The following DENND2B variants were observed in gnomAD, a reference collection of about 807,000 sequenced individuals.
The protein encoded by DENND2B is DENN domain containing 2B.
Under a neutral mutation model 116.0 loss-of-function variants are expected in DENND2B, and 32 were observed. The ratio of observed to expected loss-of-function variants is 0.28; its 90% CI spans 0.21 to 0.37. DENND2B has a LOEUF of 0.37. Ranked by LOEUF, DENND2B falls within the 10% of genes least tolerant of loss-of-function variation. DENND2B has a pLI of 1.00. For synonymous variants in DENND2B, 588 were observed against 583.9 expected (o/e 1.01, Z -0.10); for missense variants, 1,276 against 1,477.7 (o/e 0.86, Z 2.24).
chr11:8,700,447 C>T (rs913224545), intron 14 of DENND2B, among the ~76,000 whole-genome samples: 2 of 152,286 alleles, frequency 1.3e-5, no homozygotes, highest in African/African-American at 4.8e-5. Context: ...TTTCTTCCTC[C>T]TTTCTTCTCC....
chr11:8,842,568 T>G (rs547578877), intron 3 of DENND2B, among the ~76,000 whole-genome samples: 2 of 152,280 alleles, frequency 1.3e-5, no homozygotes, highest in East Asian at 3.9e-4. Flanking sequence ...ATGGTTTCCT[T>G]TTGGAGTGCA....
chr11:8,694,685 G>GA lies in DENND2B; in HGVS notation c.3380-556dup, dbSNP rs1322186475. On this transcript the variant is annotated intron_variant, in intron 19 of 19. Coordinates refer to ENST00000313726, the MANE Select transcript of DENND2B (RefSeq NM_213618.2). Reference sequence around the variant, plus strand: ...AACTGGAGATCAAGAATATTTGGGGGAAAAAATGGATGGTGGTGTCTGTAC... The same window carrying GA: ...AACTGGAGATCAAGAATATTTGGGGGAAAAAAATGGATGGTGGTGTCTGTAC... The GA allele has an allele frequency of 1.1e-4, 48 of 449,402 alleles. 1 individual carries two copies. In the Middle Eastern group the frequency reaches 6.2e-3, roughly 58 times the overall value. The allele number at this position is 449,402 out of a possible 1,614,324, so 27.8% of individuals were successfully genotyped here. A position where few individuals can be genotyped will look rare whatever the true frequency, so the allele number is the denominator to read the frequency against.
intron 1 of DENND2B, chr11:8,909,724 C>G (rs147941833): frequency 6.6e-6 from 1 of 152,128 alleles, no homozygotes; most frequent in Non-Finnish European, 1.5e-5. Context: ...AGAAGGAGGT[C>G]GTATTGGTCG....
intron 4 of DENND2B, chr11:8,718,206 C>A: frequency 1.2e-6 from 1 of 810,674 alleles, no homozygotes; most frequent in East Asian, 2.7e-5. Flanking sequence ...CTGTGCCCAG[C>A]CAGAGGACAA....
At chr11:8,735,531 C>T (rs920735422) in intron 2 of DENND2B, among the ~76,000 whole-genome samples, 2 of 152,272 alleles carry the variant, frequency 1.3e-5, no homozygotes, top group East Asian at 1.9e-4. Context: ...GCCACGCCTG[C>T]GTATCATTGG....
intron 3 of DENND2B, among the ~76,000 whole-genome samples, chr11:8,844,252 T>C (rs1003995712): frequency 6.6e-6 from 1 of 151,688 alleles, no homozygotes. Context: ...AATCGAAAAG[T>C]TAGCCAAGTG....
chr11:8,872,950 G>A (rs941159787), upstream of DENND2B, among the ~76,000 whole-genome samples: 1 of 152,142 alleles, frequency 6.6e-6, no homozygotes, highest in African/African-American at 2.4e-5. Flanking sequence ...GGAGACCTGG[G>A]CCATATTTGG....
chr11:8,887,533 T>A (rs1441440466), intron 1 of DENND2B, among the ~76,000 whole-genome samples: 1 of 152,232 alleles, frequency 6.6e-6, no homozygotes, highest in African/African-American at 2.4e-5. Context: ...ACTGATAATA[T>A]CTACTGTCAA....
chr11:8,900,291 G>T (rs1225731004), intron 1 of DENND2B, among the ~76,000 whole-genome samples: 1 of 151,856 alleles, frequency 6.6e-6, no homozygotes, highest in Admixed American at 6.6e-5. Context: ...AAATTAGCTG[G>T]GTGTGGTGGT....
At chr11:8,836,183 T>C (rs369941133) in intron 4 of DENND2B, among the ~76,000 whole-genome samples, 1 of 28,736 alleles carries the variant, frequency 3.5e-5, no homozygotes, top group Non-Finnish European at 1.0e-4. Flanking sequence ...CCGTCTCTAC[T>C]AAAAATACAA....
Position 8,730,597 on chromosome 11 carries a change from G to T in DENND2B, c.693C>A (p.Thr231=). 1 of 1,613,150 alleles carries T rather than the reference G, an allele frequency of 6.2e-7. No individual in the cohort carries two copies. Among genetic ancestry groups the T allele is most frequent in the Non-Finnish European group, 8.5e-7 (1 of 1,180,032 alleles). ...DFKGLRRMSR[T]FSECSYPETE... is the part of the protein sequence containing the mutation. ...TCTCTGGGTAGGAACACTCGGAGAAGGTCCTGCTCATCCTCCGGAGGCCCT... is the reference window on the plus strand; with the variant it reads ...TCTCTGGGTAGGAACACTCGGAGAATGTCCTGCTCATCCTCCGGAGGCCCT... Residue 231 remains threonine, a synonymous_variant, in exon 3 of 20, where the codon ACC becomes ACA. Transcript: ENST00000313726. The surrounding 1 kb of genome is among the most constrained non-coding windows in gnomAD (Gnocchi z 4.1).
chr11:8,772,756 A>G (rs2057112670), intron 1 of DENND2B, among the ~76,000 whole-genome samples: 1 of 152,106 alleles, frequency 6.6e-6, no homozygotes, highest in Admixed American at 6.5e-5. Flanking sequence ...AACCTTACAC[A>G]CTGAAGCCTC....
At chr11:8,850,587 G>C (rs1041506747) in intron 3 of DENND2B, among the ~76,000 whole-genome samples, 1 of 151,836 alleles carries the variant, frequency 6.6e-6, no homozygotes, top group East Asian at 1.9e-4. Context: ...AATATAAAGT[G>C]GTACAGCCAT....
At chr11:8,731,268 C>T (rs1249422088) in intron 2 of DENND2B, 59 bp from the exon 3 acceptor site, 45 of 1,393,470 alleles carry the variant, frequency 3.2e-5, no homozygotes, top group Non-Finnish European at 4.1e-5. Flanking sequence ...GGCTGACCAA[C>T]CAGTGGCATC....
At position 8,726,042 on chromosome 11, in the gene DENND2B, T is replaced by C. The variant is rs376784670; in HGVS notation, c.1477+31A>G. 6.8e-5 allele frequency: 110 copies of C among 1,613,304 alleles called. No individual in the cohort carries two copies. In the African/African-American group the frequency reaches 1.2e-3, roughly 18 times the overall value. Reference sequence around the variant, plus strand: ...CCTGTTCTTCTGCAGCCCCCTGAGATGACCCAGGTGCCACCTCTGCCATTG... The same window carrying C: ...CCTGTTCTTCTGCAGCCCCCTGAGACGACCCAGGTGCCACCTCTGCCATTG... On this transcript the variant is annotated intron_variant, in intron 4 of 19. Coordinates refer to ENST00000313726, the MANE Select transcript of DENND2B (RefSeq NM_213618.2).
intron 2 of DENND2B, among the ~76,000 whole-genome samples, chr11:8,745,079 G>T (rs1273944322): frequency 6.6e-6 from 1 of 152,012 alleles, no homozygotes; most frequent in Admixed American, 6.6e-5. Context: ...ACCACACCCA[G>T]CCAACTTTTT....
chr11:8,730,341 T>G lies in DENND2B; in HGVS notation c.949A>C (p.Thr317Pro), dbSNP rs968364105. 6.2e-7 allele frequency: 1 copy of G among 1,600,736 alleles called. No homozygotes were observed. Among genetic ancestry groups the G allele is most frequent in the Non-Finnish European group, 8.5e-7 (1 of 1,177,836 alleles). ...TCCTCCAAGGAGCCCAAGGTTCCAG[T>G]CTTCCTTTTCCCCCGGTCCACGCTG... ...CYSVDRGKRKTGTLGSLEEPA... is the reference protein window; with the variant it reads ...CYSVDRGKRKPGTLGSLEEPA... The change falls in exon 3 of 20, where the codon ACT (threonine) becomes CCT (proline). Residue 317 changes from threonine (T) to proline (P), a missense_variant. Around this residue, in one of 2 missense-constraint regions of DENND2B, gnomAD observed 856 missense variants for 846.6 expected, o/e 1.01. Coordinates refer to ENST00000313726, the MANE Select transcript of DENND2B (RefSeq NM_213618.2). This position sits in a 1 kb window ranked among gnomAD's most constrained non-coding sequence, Gnocchi z 4.1.
chr11:8,698,068 C>G (rs10840113), intron 16 of DENND2B: 223,203 of 329,742 alleles, frequency 0.68, 75,575 homozygotes, highest in Middle Eastern at 0.73. Flanking sequence ...TGAGCCCAGG[C>G]AGGTCGAGGC....
chr11:8,863,484 C>T (rs945661633), intron 2 of DENND2B, among the ~76,000 whole-genome samples: 3 of 152,100 alleles, frequency 2.0e-5, no homozygotes, highest in Non-Finnish European at 2.9e-5. Context: ...CCGCTCGCCT[C>T]GGCCTCCTAA....
Sources: allele counts gnomAD v4.1 joint callset (sites outside exome capture counted in the v4.1 genomes callset), GRCh38; gene constraint gnomAD v4.1.1; regional missense constraint gnomAD v4.1.1; non-coding constraint Gnocchi (gnomAD v3.1); transcripts MANE v1.5; gene names NCBI Gene and HGNC (gene_info 2026-07-23, HGNC 2026-07-21).